The following POLR2B variants were observed in gnomAD, a reference collection of about 807,000 sequenced individuals.
POLR2B encodes DNA-directed RNA polymerase II subunit RPB2.
Under a neutral mutation model 144.6 loss-of-function variants are expected in POLR2B, and 57 were observed. The observed-to-expected ratio is 0.39, with a 90% CI of 0.32 to 0.49. The LOEUF is 0.49. Among genes scored for constraint, POLR2B ranks in the 20% least tolerant of loss-of-function variants. The probability of loss-of-function intolerance (pLI) is 0.83; values close to 1 mark genes in which losing one functional copy is unlikely to be tolerated. For synonymous variants in POLR2B, 442 were observed against 469.8 expected, an observed-to-expected ratio of 0.94 and a Z score of 0.77; for missense variants, 595 against 1,467.4, an observed-to-expected ratio of 0.41 and a Z score of 9.71.
chr4:56,980,519 C>G (rs1180378926), intron 1 of POLR2B, among the ~76,000 whole-genome samples: 2 of 151,898 alleles, frequency 1.3e-5, no homozygotes, highest in Non-Finnish European at 2.9e-5. Flanking sequence ...CTCAGGAGTT[C>G]GAGAGCAGCC....
intron 13 of POLR2B, among the ~76,000 whole-genome samples, chr4:57,011,845 T>G (rs1723197795): frequency 6.6e-6 from 1 of 152,058 alleles, no homozygotes; most frequent in Non-Finnish European, 1.5e-5. Flanking sequence ...ATTGCTTGCC[T>G]TAATCTTTCG....
rs761799019 is a variant in POLR2B, at chr4:57,006,901, A to G, written c.1303A>G (p.Ile435Val). 1 of 1,613,370 alleles carries G rather than the reference A, an allele frequency of 6.2e-7. No individual in the cohort carries two copies. The highest frequency in any genetic ancestry group is 8.5e-7 in the Non-Finnish European group (1 of 1,179,286). ...RGKDFNLELA[I>V]KTRIISDGLK... is the part of the protein sequence containing the mutation. ...AAAGGATTTTAACTTGGAGTTGGCA[A>G]TTAAAACACGGATCATATCTGATGG... The change falls in exon 10 of 25, where the codon ATT becomes GTT. Residue 435 changes from isoleucine (I) to valine (V), a missense_variant. Physicochemically the swap from Ile to Val is conservative, Grantham distance 29. Around this residue, in one of 9 missense-constraint regions of POLR2B, gnomAD observed 251 missense variants for 567.3 expected, o/e 0.44. Transcript: ENST00000314595.
chr4:56,995,320 G>C lies in POLR2B; in HGVS notation c.646G>C (p.Ala216Pro). 2 of 1,608,380 alleles carry C rather than the reference G, an allele frequency of 1.2e-6. No homozygotes were observed. The highest frequency in any genetic ancestry group is 1.7e-6 in the Non-Finnish European group (2 of 1,174,846). Residue 216 changes from alanine (A) to proline (P), a missense_variant, in exon 6 of 25, where the codon GCC (alanine) becomes CCC (proline). Physicochemically the swap from Ala to Pro is conservative, Grantham distance 27 (BLOSUM62 -1). Transcript: ENST00000314595. ...GTTTGCCAAAAAGGATTCTAAATAT[G>C]CCTACACAGGAGAGTGTAGATCATG... ...YVFAKKDSKYAYTGECRSCLE... is the reference protein window; with the variant it reads ...YVFAKKDSKYPYTGECRSCLE...
intron 23 of POLR2B, among the ~76,000 whole-genome samples, chr4:57,028,969 T>G (rs1002677794): frequency 1.2e-4 from 18 of 152,248 alleles, no homozygotes; most frequent in African/African-American, 3.6e-4. Flanking sequence ...TCCAACCTTT[T>G]TTTTCCCCTT....
At chr4:56,990,951 T>C (rs1321876425) in intron 3 of POLR2B, 53 bp downstream of exon 3, 2 of 1,491,810 alleles carry the variant, frequency 1.3e-6, no homozygotes, top group South Asian at 2.6e-5. Context: ...GGTTTGAAAT[T>C]TTAGCCCTTC....
chr4:56,993,969 C>A (rs1449061125), intron 3 of POLR2B, among the ~76,000 whole-genome samples: 1 of 152,122 alleles, frequency 6.6e-6, no homozygotes, highest in Non-Finnish European at 1.5e-5. Context: ...TAATGTAAAT[C>A]CATTTTAACT....
intron 7 of POLR2B, 125 bp downstream of exon 7, chr4:56,999,906 C>A: frequency 8.1e-6 from 5 of 615,350 alleles, no homozygotes; most frequent in Admixed American, 3.2e-5. Context: ...AAATCTTATG[C>A]CATTTACTGT....
intron 18 of POLR2B, among the ~76,000 whole-genome samples, chr4:57,022,624 AAAT>A (rs1483938099): frequency 2.0e-5 from 3 of 152,216 alleles, no homozygotes; most frequent in Non-Finnish European, 4.4e-5. Flanking sequence ...AACATTTAAA[AAAT>A]AACCAGTGAG....
chr4:57,020,258 G>A (rs927965069), intron 16 of POLR2B, among the ~76,000 whole-genome samples: 1 of 151,946 alleles, frequency 6.6e-6, no homozygotes, highest in Non-Finnish European at 1.5e-5. Flanking sequence ...GGTCTCAATC[G>A]CTTGACCTTG....
intron 9 of POLR2B, 57 bp from the exon 10 acceptor site, chr4:57,006,759 T>G: frequency 1.6e-5 from 21 of 1,351,034 alleles, no homozygotes; most frequent in African/African-American, 2.9e-5. Context: ...TTCCTCCTGT[T>G]GAGAATATAT....
chr4:56,983,603 C>T (rs1485417773), intron 1 of POLR2B, among the ~76,000 whole-genome samples: 1 of 152,056 alleles, frequency 6.6e-6, no homozygotes, highest in Non-Finnish European at 1.5e-5. Flanking sequence ...AACTCTTGGC[C>T]TTGTGATCCA....
At chr4:56,989,822 G>T (rs894944748) in intron 2 of POLR2B, among the ~76,000 whole-genome samples, 1 of 152,116 alleles carries the variant, frequency 6.6e-6, no homozygotes, top group African/African-American at 2.4e-5. Flanking sequence ...ATGGTAATAG[G>T]GAGTGATCTG....
At chr4:56,986,572 T>TA in intron 2 of POLR2B, 146 bp downstream of exon 2, 1 of 503,684 alleles carries the variant, frequency 2.0e-6, no homozygotes, top group Non-Finnish European at 3.5e-6. Flanking sequence ...ATTTCAGATC[T>TA]AAAAGTTACA....
intron 22 of POLR2B, among the ~76,000 whole-genome samples, 164 bp from the exon 23 acceptor site, chr4:57,025,213 C>T (rs41552420): frequency 0.063 from 9,590 of 152,184 alleles, 545 homozygotes; most frequent in East Asian, 0.21. Context: ...TAGTCGCTAC[C>T]TTTCCACTCC....
In POLR2B at chr4:56,995,337, T is replaced by C; in HGVS notation, c.663T>C (p.Cys221=). Reference sequence around the variant, plus strand: ...CTAAATATGCCTACACAGGAGAGTGTAGATCATGTCTTGAGAATTCTTCCC... The same window carrying C: ...CTAAATATGCCTACACAGGAGAGTGCAGATCATGTCTTGAGAATTCTTCCC... ...KDSKYAYTGE[C]RSCLENSSRP... Residue 221 remains cysteine, a synonymous_variant, in exon 6 of 25, where the codon TGT becomes TGC. Transcript: ENST00000314595. 6.2e-7 allele frequency: 1 copy of C among 1,612,616 alleles called. No homozygotes were observed. The highest frequency in any genetic ancestry group is 1.1e-5 in the South Asian group (1 of 91,040).
In POLR2B at chr4:57,017,178, G is replaced by A; in HGVS notation, c.2091G>A (p.Glu697=). 1 of 1,613,146 alleles carries A rather than the reference G, an allele frequency of 6.2e-7. No homozygotes were observed. The highest frequency in any genetic ancestry group is 8.5e-7 in the Non-Finnish European group (1 of 1,179,410). ...ATTGTTCCACATATACACACTGTGAGATTCATCCCTCAATGATCCTTGGTG... is the reference window on the plus strand; with the variant it reads ...ATTGTTCCACATATACACACTGTGAAATTCATCCCTCAATGATCCTTGGTG... ...VAYCSTYTHC[E]IHPSMILGVC... is the part of the protein sequence containing the mutation. Residue 697 remains glutamate (E), a synonymous_variant, in exon 15 of 25, where the codon GAG becomes GAA. Coordinates refer to ENST00000314595, the MANE Select transcript of POLR2B (RefSeq NM_000938.3). The surrounding 1 kb of genome is among the most constrained non-coding windows in gnomAD (Gnocchi z 4.8).
intron 3 of POLR2B, among the ~76,000 whole-genome samples, chr4:56,992,558 C>CTT (rs1199885316): frequency 9.1e-6 from 1 of 109,656 alleles, no homozygotes; most frequent in African/African-American, 3.3e-5. Context: ...TTTGGCTTAT[C>CTT]TATTTTTTTT....
At chr4:57,021,055 A>G in intron 17 of POLR2B, 60 bp downstream of exon 17, 1 of 930,068 alleles carries the variant, frequency 1.1e-6, no homozygotes, top group Non-Finnish European at 1.8e-6. Context: ...TTTTTTATGC[A>G]AAAAAAGTTC....
chr4:56,986,100 T>TA, intron 1 of POLR2B: 1 of 444,854 alleles, frequency 2.2e-6, no homozygotes, highest in South Asian at 2.2e-5. Flanking sequence ...TGCTGATCAA[T>TA]AAAATGGAAA....
Sources: allele counts gnomAD v4.1 joint callset (sites outside exome capture counted in the v4.1 genomes callset), GRCh38; gene constraint gnomAD v4.1.1; regional missense constraint gnomAD v4.1.1; non-coding constraint Gnocchi (gnomAD v3.1); transcripts MANE v1.5; gene names NCBI Gene and HGNC (gene_info 2026-07-23, HGNC 2026-07-21).